The following THSD7B variants were observed in gnomAD, a reference collection of about 807,000 sequenced individuals.
The protein encoded by THSD7B is thrombospondin type 1 domain containing 7B.
Under a neutral mutation model 213.6 loss-of-function variants are expected in THSD7B, and 138 were observed. That is an observed-to-expected ratio of 0.65 (90% CI 0.56 to 0.74). The LOEUF (loss-of-function observed/expected upper bound fraction) is 0.74, where lower values mean the gene tolerates loss of function less well. Ranked by LOEUF, THSD7B falls within the 30% of genes least tolerant of loss-of-function variation. The pLI is 0.00. For missense variants in THSD7B, 1,931 were observed against 1,991.5 expected, an observed-to-expected ratio of 0.97 and a Z score of 0.58; for synonymous variants, 742 against 687.0, an observed-to-expected ratio of 1.08 and a Z score of -1.25.
chr2:137,424,860 G>C (rs527872151), intron 14 of THSD7B, among the ~76,000 whole-genome samples: 1 of 151,890 alleles, frequency 6.6e-6, no homozygotes, highest in Admixed American at 6.6e-5. Flanking sequence ...TCACAAAGTC[G>C]GCAGATCGAG....
chr2:137,327,559 C>T (rs552474017), intron 12 of THSD7B, among the ~76,000 whole-genome samples: 33 of 152,078 alleles, frequency 2.2e-4, no homozygotes, highest in Non-Finnish European at 8.8e-5. Context: ...TCTTACATTT[C>T]CTTATTCCTT....
rs1295053031 is a variant in THSD7B, at chr2:136,998,909, G to GACACAAACAC, written c.140-57506_140-57505insAACACACACA. Among the ~76,000 whole-genome samples the GACACAAACAC allele has an allele frequency of 9.9e-3, 1,290 of 129,972 alleles. 17 individuals are homozygous for GACACAAACAC. Among genetic ancestry groups the GACACAAACAC allele is most frequent in the African/African-American group, 0.025 (879 of 35,394 alleles). 85.3% of individuals were successfully genotyped at this position (129,972 alleles called of 152,430 possible). ...TTTCATGCTCCTTGAATACCCAACA[G>GACACAAACAC]ACACACACACACACACACACACACA... On this transcript the variant is annotated intron_variant, in intron 2 of 27. Transcript: ENST00000409968.
intron 14 of THSD7B, among the ~76,000 whole-genome samples, chr2:137,437,912 G>GTA (rs1687326415): frequency 6.6e-6 from 1 of 152,096 alleles, no homozygotes; most frequent in Non-Finnish European, 1.5e-5. Context: ...ATGCCACAGA[G>GTA]GTTTTGGCCT....
intron 14 of THSD7B, among the ~76,000 whole-genome samples, chr2:137,438,761 T>A (rs1212754670): frequency 6.6e-6 from 1 of 152,074 alleles, no homozygotes; most frequent in African/African-American, 2.4e-5. Context: ...CTCCTCTCTC[T>A]AGTAGGTTGA....
At chr2:137,313,178 A>T in intron 12 of THSD7B, among the ~76,000 whole-genome samples, 1 of 152,140 alleles carries the variant, frequency 6.6e-6, no homozygotes, top group Admixed American at 6.5e-5. Context: ...TTGCTTTATG[A>T]ATCTGGGTGC....
intron 12 of THSD7B, among the ~76,000 whole-genome samples, chr2:137,281,019 A>C (rs1459442337): frequency 6.6e-6 from 1 of 152,084 alleles, no homozygotes; most frequent in African/African-American, 2.4e-5. Context: ...ACTTGACATT[A>C]TGGCACTGTA....
chr2:136,776,166 G>C (rs994141557), intron 1 of THSD7B, among the ~76,000 whole-genome samples: 39 of 152,118 alleles, frequency 2.6e-4, no homozygotes, highest in Admixed American at 2.6e-3. Flanking sequence ...TTTTATAGGT[G>C]AGTAGATTCA....
chr2:136,878,930 A>G (rs1683570495), intron 1 of THSD7B, among the ~76,000 whole-genome samples: 1 of 151,942 alleles, frequency 6.6e-6, no homozygotes, highest in Admixed American at 6.6e-5. Flanking sequence ...ATTAGATCCC[A>G]TTTGTCAATT....
In THSD7B at chr2:137,405,755, G is replaced by A. The variant is rs191103781; in HGVS notation, c.2643G>A (p.Thr881=). Residue 881 remains threonine (T), a synonymous_variant, in exon 13 of 28, where the codon ACG becomes ACA. Coordinates refer to ENST00000409968, the MANE Select transcript of THSD7B (RefSeq NM_001316349.2). ...DCTFTAWSKF[T]PCSTNCEATK... ...CCTTCACTGCTTGGTCCAAGTTTAC[G>A]CCCTGCTCCACGAACTGTGAAGCCA... The A allele has an allele frequency of 5.8e-5, 93 of 1,613,474 alleles. No homozygotes were observed. The Middle Eastern group carries it at 9.9e-4, about 17-fold the overall frequency.
intron 15 of THSD7B, among the ~76,000 whole-genome samples, chr2:137,550,056 C>A (rs1680816058): frequency 6.6e-6 from 1 of 152,040 alleles, no homozygotes. Context: ...TACAGCATGG[C>A]AGTGGGAAGC....
intron 12 of THSD7B, among the ~76,000 whole-genome samples, chr2:137,402,273 C>T (rs1484757972): frequency 6.6e-6 from 1 of 152,006 alleles, no homozygotes; most frequent in Non-Finnish European, 1.5e-5. Flanking sequence ...CAATTACTAC[C>T]GTTTGACTAC....
At chr2:137,191,938 A>G (rs1026026837) in intron 7 of THSD7B, among the ~76,000 whole-genome samples, 1 of 152,092 alleles carries the variant, frequency 6.6e-6, no homozygotes, top group African/African-American at 2.4e-5. Context: ...GGAATTACCT[A>G]TTGTTGGATA....
Position 137,245,381 on chromosome 2 carries a change from G to A in THSD7B, c.2266+2809G>A, listed in dbSNP as rs185746670. Among the ~76,000 whole-genome samples the A allele has an allele frequency of 1.4e-3, 219 of 152,202 alleles. 1 individual carries two copies. Among genetic ancestry groups the A allele is most frequent in the Admixed American group, 2.7e-3 (41 of 15,276 alleles). On this transcript the variant is annotated intron_variant, in intron 10 of 27. Coordinates refer to ENST00000409968, the MANE Select transcript of THSD7B (RefSeq NM_001316349.2). ...ACCTCCTGACACTGAGTAGGCACTG[G>A]GCAAGTGTTTGTATAGTTGTATAGT...
rs564980519 is a variant in THSD7B, at chr2:137,442,309, G to T, written c.2960-8536G>T. On this transcript the variant is annotated intron_variant, in intron 14 of 27. Coordinates refer to ENST00000409968, the MANE Select transcript of THSD7B (RefSeq NM_001316349.2). ...GATCTAGCTTAATTGTATTTTCTCA[G>T]GACACCATATTCGCAAAATATTCTA... Among the ~76,000 whole-genome samples the T allele has an allele frequency of 4.6e-5, 7 of 152,180 alleles. No individual in the cohort carries two copies. In the East Asian group the frequency reaches 1.3e-3, roughly 29 times the overall value.
chr2:137,033,453 C>T (rs1391951940), intron 2 of THSD7B, among the ~76,000 whole-genome samples: 1 of 152,014 alleles, frequency 6.6e-6, no homozygotes, highest in Non-Finnish European at 1.5e-5. Flanking sequence ...CATCTTTTGG[C>T]CAAGGTAAGT....
At chr2:137,454,135 G>A (rs755212393) in intron 15 of THSD7B, among the ~76,000 whole-genome samples, 1 of 152,124 alleles carries the variant, frequency 6.6e-6, no homozygotes, top group Non-Finnish European at 1.5e-5. Context: ...CCAGCAATGG[G>A]ATTGCTGGAT....
At chr2:137,470,910 C>CTTTTTTTTTTTTTTTTTTTTTT (rs70978226) in intron 15 of THSD7B, among the ~76,000 whole-genome samples, 5 of 119,824 alleles carry the variant, frequency 4.2e-5, no homozygotes, top group African/African-American at 1.3e-4. Flanking sequence ...TTTTTCTTTA[C>CTTTTTTTTTTTTTTTTTTTTTT]TTTTTTTTTT....
chr2:137,023,699 G>A (rs13422929), intron 2 of THSD7B, among the ~76,000 whole-genome samples: 13,858 of 152,134 alleles, frequency 0.091, 711 homozygotes, highest in East Asian at 0.15. Context: ...CCCGAGGACA[G>A]GAGTCCTCAG....
chr2:136,988,070 G>C (rs1467156383), intron 2 of THSD7B, among the ~76,000 whole-genome samples: 1 of 152,112 alleles, frequency 6.6e-6, no homozygotes, highest in Non-Finnish European at 1.5e-5. Context: ...AATGCACTGA[G>C]TTGTTTAATT....
Sources: allele counts gnomAD v4.1 joint callset (sites outside exome capture counted in the v4.1 genomes callset), GRCh38; gene constraint gnomAD v4.1.1; transcripts MANE v1.5; gene names NCBI Gene and HGNC (gene_info 2026-07-23, HGNC 2026-07-21).